The following SLC2A9 variants were observed in gnomAD, a reference collection of about 807,000 sequenced individuals.
The protein encoded by SLC2A9 is solute carrier family 2, facilitated glucose transporter member 9.
In SLC2A9, 39 loss-of-function variants were observed where a neutral mutation model predicts 50.6. That is an observed-to-expected ratio of 0.77 (90% CI 0.60 to 1.01). The LOEUF (loss-of-function observed/expected upper bound fraction) is 1.01, where lower values mean the gene tolerates loss of function less well. SLC2A9 is among the 50% of genes least tolerant of loss of function. The pLI is 0.00. For synonymous variants in SLC2A9, 324 were observed against 276.9 expected (o/e 1.17, Z -1.69); for missense variants, 686 against 677.6 (o/e 1.01, Z -0.14).
intron 10 of SLC2A9, among the ~76,000 whole-genome samples, chr4:9,852,875 A>T (rs1730180513): frequency 6.6e-6 from 1 of 152,238 alleles, no homozygotes; most frequent in South Asian, 2.1e-4. Flanking sequence ...CCTTGAATGT[A>T]AATGGGCAAA....
intron 8 of SLC2A9, among the ~76,000 whole-genome samples, chr4:9,893,142 C>A (rs1329095351): frequency 6.6e-6 from 1 of 152,132 alleles, no homozygotes; most frequent in Non-Finnish European, 1.5e-5. Flanking sequence ...GTCAATGCCA[C>A]CACTTGGTAA....
chr4:9,825,368 C>T (rs567371985), downstream of SLC2A9, among the ~76,000 whole-genome samples: 1 of 152,296 alleles, frequency 6.6e-6, no homozygotes, highest in South Asian at 2.1e-4. Context: ...GATGAGTAAT[C>T]ACCCAGTCTT....
intron 2 of SLC2A9, among the ~76,000 whole-genome samples, chr4:10,003,734 G>A (rs534051613): frequency 6.6e-6 from 1 of 152,286 alleles, no homozygotes; most frequent in South Asian, 2.1e-4. Context: ...CTCACCTATG[G>A]CAAAACATGA....
At chr4:9,965,230 T>C (rs1752877106) in intron 5 of SLC2A9, among the ~76,000 whole-genome samples, 1 of 152,194 alleles carries the variant, frequency 6.6e-6, no homozygotes, top group Admixed American at 6.5e-5. Context: ...TGTGGGGAGC[T>C]GTGATGCAGA....
At chr4:9,814,668 TCC>T (rs979356260) in intron 3 of SLC2A9, among the ~76,000 whole-genome samples, 1 of 152,194 alleles carries the variant, frequency 6.6e-6, no homozygotes, top group Non-Finnish European at 1.5e-5. Flanking sequence ...ACCTGGACTC[TCC>T]CTTTATGTGG....
chr4:9,815,251 C>T (rs1170912647), intron 3 of SLC2A9, among the ~76,000 whole-genome samples: 1 of 152,190 alleles, frequency 6.6e-6, no homozygotes, highest in Non-Finnish European at 1.5e-5. Flanking sequence ...ACTAGGAATC[C>T]GTGCTCCTTT....
intron 10 of SLC2A9, chr4:9,879,602 C>T (rs371784192): frequency 1.0e-6 from 1 of 985,364 alleles, no homozygotes; most frequent in African/African-American, 1.7e-5. Context: ...TCCATCAGGA[C>T]CGCTCCATCT....
At chr4:9,804,646 G>A (rs1721888055) in intron 3 of SLC2A9, among the ~76,000 whole-genome samples, 1 of 152,260 alleles carries the variant, frequency 6.6e-6, no homozygotes, top group Admixed American at 6.5e-5. Context: ...TTGGCCAAAT[G>A]CTGCATTTTT....
At chr4:9,849,444 T>C (rs1288351741) in intron 10 of SLC2A9, among the ~76,000 whole-genome samples, 1 of 152,212 alleles carries the variant, frequency 6.6e-6, no homozygotes, top group Non-Finnish European at 1.5e-5. Context: ...ACTTAGATTG[T>C]TTCCTGAACT....
intron 8 of SLC2A9, among the ~76,000 whole-genome samples, chr4:9,903,561 G>A (rs1473869730): frequency 6.6e-6 from 1 of 151,942 alleles, no homozygotes; most frequent in Non-Finnish European, 1.5e-5. Flanking sequence ...GATGACTGAC[G>A]CCCTGAGCCA....
chr4:9,842,894 G>A (rs151128040), intron 10 of SLC2A9, among the ~76,000 whole-genome samples: 79 of 152,208 alleles, frequency 5.2e-4, no homozygotes, highest in Non-Finnish European at 1.1e-3. Flanking sequence ...GTTGATCCCA[G>A]GAAATGCAGG....
downstream of SLC2A9, among the ~76,000 whole-genome samples, chr4:9,777,488 A>G (rs1266816488): frequency 6.6e-6 from 1 of 152,112 alleles, no homozygotes; most frequent in East Asian, 1.9e-4. Context: ...CCCATCAAAA[A>G]TGCTTGTGGA....
At chr4:9,975,079 C>T (rs1754565502) in intron 5 of SLC2A9, among the ~76,000 whole-genome samples, 1 of 152,140 alleles carries the variant, frequency 6.6e-6, no homozygotes, top group Non-Finnish European at 1.5e-5. Flanking sequence ...TGGACCCCTA[C>T]ATTTTACCAT....
chr4:9,984,432 G>A (rs1005533071), intron 4 of SLC2A9, among the ~76,000 whole-genome samples: 10 of 149,328 alleles, frequency 6.7e-5, no homozygotes, highest in Non-Finnish European at 1.0e-4. Flanking sequence ...GAGAGAGACA[G>A]AGAGAGAGAG....
At chr4:9,843,846 C>T (rs1022200493) in intron 10 of SLC2A9, among the ~76,000 whole-genome samples, 6 of 152,130 alleles carry the variant, frequency 3.9e-5, no homozygotes, top group Admixed American at 3.3e-4. Flanking sequence ...TCCTGGATCC[C>T]ATGGACACTG....
In SLC2A9 at chr4:9,985,650, C is replaced by T. The variant is rs367731001; in HGVS notation, c.535+19G>A. Reference sequence around the variant, plus strand: ...AAGGAGTATGTTACTGTTCCCTCCCCGTCATGGTGAACTCTCACCTCCATC... The same window carrying T: ...AAGGAGTATGTTACTGTTCCCTCCCTGTCATGGTGAACTCTCACCTCCATC... On this transcript the variant is annotated intron_variant, in intron 4 of 11. Coordinates refer to ENST00000264784, the MANE Select transcript of SLC2A9 (RefSeq NM_020041.3). The T allele has an allele frequency of 9.9e-5, 159 of 1,613,830 alleles. No individual in the cohort carries two copies. Among genetic ancestry groups the T allele is most frequent in the Non-Finnish European group, 1.3e-4 (151 of 1,179,836 alleles).
At chr4:9,847,460 A>G (rs1187598581) in intron 10 of SLC2A9, among the ~76,000 whole-genome samples, 1 of 152,234 alleles carries the variant, frequency 6.6e-6, no homozygotes, top group Admixed American at 6.5e-5. Context: ...ACAATTTGAC[A>G]TGAGATTTGG....
chr4:9,965,147 T>C (rs7663079), intron 5 of SLC2A9, among the ~76,000 whole-genome samples: 73,135 of 151,676 alleles, frequency 0.48, 18,939 homozygotes, highest in African/African-American at 0.67. Flanking sequence ...AATGCTATTG[T>C]ATAGGTAACA....
chr4:9,988,433 A>G (rs1003948524), intron 3 of SLC2A9, among the ~76,000 whole-genome samples: 1 of 152,250 alleles, frequency 6.6e-6, no homozygotes, highest in Non-Finnish European at 1.5e-5. Flanking sequence ...ACGGGAGTGC[A>G]CACTCTCTGG....
Sources: allele counts gnomAD v4.1 joint callset (sites outside exome capture counted in the v4.1 genomes callset), GRCh38; gene constraint gnomAD v4.1.1; transcripts MANE v1.5; gene names NCBI Gene and HGNC (gene_info 2026-07-23, HGNC 2026-07-21).